Variants in FBXL13 observed in about 807,000 individuals in gnomAD.
FBXL13 encodes F-box and leucine-rich repeat protein 13.
A neutral mutation model predicts 83.6 loss-of-function variants in FBXL13; 67 were observed. That is an observed-to-expected ratio of 0.80 (90% CI 0.66 to 0.98). The LOEUF (loss-of-function observed/expected upper bound fraction) is 0.98. Ranked by LOEUF, FBXL13 falls within the 50% of genes least tolerant of loss-of-function variation. The pLI is 0.00. For synonymous variants in FBXL13, 272 were observed against 299.5 expected, an observed-to-expected ratio of 0.91 and a Z score of 0.95; for missense variants, 822 against 866.5, an observed-to-expected ratio of 0.95 and a Z score of 0.64.
intron 14 of FBXL13, among the ~76,000 whole-genome samples, chr7:102,879,439 A>ATGTGTGTG (rs139051886): frequency 0.036 from 5,191 of 144,760 alleles, 197 homozygotes; most frequent in East Asian, 0.099. Context: ...GCAGTTAAGG[A>ATGTGTGTG]TGTGTGTGTG....
intron 16 of FBXL13, among the ~76,000 whole-genome samples, chr7:102,874,156 G>C (rs1487320795): frequency 1.3e-5 from 2 of 152,136 alleles, no homozygotes; most frequent in African/African-American, 2.4e-5. Flanking sequence ...TGGCACAACT[G>C]GTCACATTTG....
At chr7:103,062,370 A>G (rs1798008293) in intron 1 of FBXL13, among the ~76,000 whole-genome samples, 1 of 152,208 alleles carries the variant, frequency 6.6e-6, no homozygotes, top group Non-Finnish European at 1.5e-5. Flanking sequence ...CTGAAGGTCT[A>G]CCAATAAGGC....
At chr7:102,889,370 C>G (rs574788026) in intron 11 of FBXL13, among the ~76,000 whole-genome samples, 72 of 152,326 alleles carry the variant, frequency 4.7e-4, no homozygotes, top group African/African-American at 1.6e-3. Flanking sequence ...TATTATGACA[C>G]ACAACCCCAG....
intron 16 of FBXL13, among the ~76,000 whole-genome samples, chr7:102,860,124 T>G (rs1008709250): frequency 6.6e-6 from 1 of 152,196 alleles, no homozygotes; most frequent in African/African-American, 2.4e-5. Flanking sequence ...TCGTACATTA[T>G]TCTAAGGAAT....
At chr7:102,834,396 T>A (rs28444303) in intron 17 of FBXL13, among the ~76,000 whole-genome samples, 3,629 of 145,924 alleles carry the variant, frequency 0.025, 157 homozygotes, top group African/African-American at 0.087. Context: ...ATATATATAT[T>A]ATATGCGATT....
At chr7:103,028,086 A>C (rs888166187) in intron 4 of FBXL13, among the ~76,000 whole-genome samples, 13 of 152,188 alleles carry the variant, frequency 8.5e-5, no homozygotes, top group African/African-American at 3.1e-4. Flanking sequence ...GTTGCAAAAA[A>C]ATCTAACTGG....
At chr7:102,813,270 A>C in exon 20 of FBXL13, 2 of 1,370,280 alleles carry the variant, frequency 1.5e-6, no homozygotes, top group Non-Finnish European at 2.0e-6. Flanking sequence ...TCAGCTAGTA[A>C]ACATACTTGC....
At chr7:102,944,757 A>G in intron 8 of FBXL13, 3 of 678,312 alleles carry the variant, frequency 4.4e-6, no homozygotes, top group Non-Finnish European at 7.1e-6. Flanking sequence ...TATTGTGACT[A>G]TTATAGTAAT....
chr7:102,903,939 C>CTTTTTTTTTTTTTTTTT (rs1166655004), intron 11 of FBXL13, among the ~76,000 whole-genome samples: 43 of 43,440 alleles, frequency 9.9e-4, no homozygotes, highest in East Asian at 1.3e-3. Flanking sequence ...CTTTTCTTTT[C>CTTTTTTTTTTTTTTTTT]TTTTTTTTTT....
intron 6 of FBXL13, among the ~76,000 whole-genome samples, chr7:102,994,182 A>G (rs1829857605): frequency 6.6e-6 from 1 of 152,170 alleles, no homozygotes; most frequent in Non-Finnish European, 1.5e-5. Flanking sequence ...TATTATATAA[A>G]TCTACTCTTA....
At chr7:103,012,499 A>G (rs1791759323) in intron 6 of FBXL13, among the ~76,000 whole-genome samples, 1 of 152,208 alleles carries the variant, frequency 6.6e-6, no homozygotes, top group African/African-American at 2.4e-5. Context: ...GGGGGAGCCT[A>G]TATTCAGCAT....
intron 6 of FBXL13, among the ~76,000 whole-genome samples, chr7:103,009,700 CCCTCCTTGCTGGA>C (rs1791386969): frequency 8.5e-5 from 13 of 152,316 alleles, no homozygotes; most frequent in South Asian, 6.2e-4. Flanking sequence ...ATTGTTCCAC[CCCTCCTTGCTGGA>C]CAGGGCTAGG....
intron 8 of FBXL13, among the ~76,000 whole-genome samples, chr7:102,949,757 A>C (rs1047270901): frequency 6.6e-6 from 1 of 152,242 alleles, no homozygotes; most frequent in Non-Finnish European, 1.5e-5. Context: ...TTTACAGGCT[A>C]TCTTGACCTC....
At chr7:102,894,052 C>A (rs1393781648) in intron 11 of FBXL13, among the ~76,000 whole-genome samples, 1 of 152,032 alleles carries the variant, frequency 6.6e-6, no homozygotes, top group Admixed American at 6.6e-5. Context: ...GAAATTCCTC[C>A]CCTGACTCTT....
At chr7:102,896,543 A>T in intron 11 of FBXL13, among the ~76,000 whole-genome samples, 1 of 152,216 alleles carries the variant, frequency 6.6e-6, no homozygotes, top group East Asian at 1.9e-4. Context: ...GGATGGCTTC[A>T]ACAACAGAAA....
chr7:102,920,852 G>A (rs548843612), intron 10 of FBXL13, among the ~76,000 whole-genome samples: 1 of 152,172 alleles, frequency 6.6e-6, no homozygotes, highest in Non-Finnish European at 1.5e-5. Context: ...TAACTATGTT[G>A]ATAACAGTTA....
chr7:102,861,034 T>C (rs1402243035), intron 16 of FBXL13, among the ~76,000 whole-genome samples: 1 of 151,902 alleles, frequency 6.6e-6, no homozygotes, highest in Admixed American at 6.6e-5. Flanking sequence ...TAAATTTCCC[T>C]GAACTACTTG....
intron 10 of FBXL13, among the ~76,000 whole-genome samples, chr7:102,924,988 A>G (rs1817834037): frequency 6.6e-6 from 1 of 152,238 alleles, no homozygotes; most frequent in South Asian, 2.1e-4. Context: ...TAAAAAAGCT[A>G]TATTCTCAAA....
chr7:102,894,588 C>T (rs1812020199), intron 11 of FBXL13, among the ~76,000 whole-genome samples: 1 of 151,762 alleles, frequency 6.6e-6, no homozygotes, highest in South Asian at 2.1e-4. Flanking sequence ...ATTAACCAGG[C>T]TTGGTAGCAT....
Sources: allele counts gnomAD v4.1 joint callset (sites outside exome capture counted in the v4.1 genomes callset), GRCh38; gene constraint gnomAD v4.1.1; transcripts MANE v1.5; gene names NCBI Gene and HGNC (gene_info 2026-07-23, HGNC 2026-07-21).